CUL1: variants seen among roughly 807,000 people sequenced by gnomAD.
CUL1 encodes cullin 1.
In CUL1, 24 loss-of-function variants were observed where a neutral mutation model predicts 118.0. That is an observed-to-expected ratio of 0.20 (90% CI 0.15 to 0.29). CUL1 has a LOEUF of 0.29. Ranked by LOEUF, CUL1 falls within the 10% of genes least tolerant of loss-of-function variation. The pLI is 1.00. For missense variants in CUL1, 361 were observed against 933.8 expected (o/e 0.39, Z 7.99); for synonymous variants, 332 against 340.4 (o/e 0.98, Z 0.27).
In CUL1 at chr7:148,800,460, C is replaced by T; in HGVS notation, c.2251-42C>T. ...TGTTCTGATGATAATTTGTGTTTTT[C>T]TTCTCTTTCACTACCTCTTCCTTTT... is the stretch of plus-strand genomic sequence containing the variant. On this transcript the variant is annotated intron_variant, in intron 21 of 21. Transcript: ENST00000325222. This position sits in a 1 kb window ranked among gnomAD's most constrained non-coding sequence, Gnocchi z 4.6. The T allele has an allele frequency of 6.6e-7, 1 of 1,525,142 alleles. No homozygotes were observed. The highest frequency in any genetic ancestry group is 9.1e-7 in the Non-Finnish European group (1 of 1,100,416). 94.5% of individuals were successfully genotyped at this position (1,525,142 alleles called of 1,614,324 possible). A position where few individuals can be genotyped will look rare whatever the true frequency, so the allele number is the denominator to read the frequency against.
chr7:148,760,549 C>A, intron 7 of CUL1, 53 bp downstream of exon 7: 2 of 1,271,586 alleles, frequency 1.6e-6, no homozygotes, highest in Admixed American at 2.4e-5. Flanking sequence ...CATTGCTACT[C>A]AAGTGAGTTC....
At chr7:148,783,656 TCTTAA>T (rs761739710) in intron 9 of CUL1, 122 bp from the exon 10 acceptor site, 2 of 1,553,086 alleles carry the variant, frequency 1.3e-6, no homozygotes, top group Non-Finnish European at 8.7e-7. Context: ...TGCTCTTATC[TCTTAA>T]CTTTGAAAAG....
intron 17 of CUL1, among the ~76,000 whole-genome samples, chr7:148,796,024 C>CACTGTTGAATGGATGTGGT (rs57247452): frequency 0.084 from 12,747 of 151,980 alleles, 674 homozygotes; most frequent in African/African-American, 0.14. Flanking sequence ...GAATTTGTGG[C>CACTGTTGAATGGATGTGGT]AAGAACAAGC....
intron 21 of CUL1, among the ~76,000 whole-genome samples, 194 bp downstream of exon 21, chr7:148,799,582 A>C (rs904598081): frequency 2.6e-5 from 4 of 152,252 alleles, no homozygotes; most frequent in Admixed American, 6.5e-5. Flanking sequence ...ATGAAGTGCC[A>C]GCTTGATGAC....
intron 17 of CUL1, among the ~76,000 whole-genome samples, chr7:148,796,152 A>G (rs146548126): frequency 6.6e-6 from 1 of 152,320 alleles, no homozygotes; most frequent in African/African-American, 2.4e-5. Context: ...TTATCAGACT[A>G]AAGAGGTTCC....
At chr7:148,761,472 C>T (rs1162701634) in intron 7 of CUL1, among the ~76,000 whole-genome samples, 2 of 152,220 alleles carry the variant, frequency 1.3e-5, no homozygotes, top group African/African-American at 4.8e-5. Flanking sequence ...GATTGTGCCA[C>T]TGCCCTCCAG....
intron 2 of CUL1, among the ~76,000 whole-genome samples, chr7:148,732,917 C>A (rs1798810550): frequency 1.3e-5 from 2 of 152,100 alleles, no homozygotes; most frequent in South Asian, 4.1e-4. Context: ...TAAACCAAGT[C>A]TAAAATATCT....
At chr7:148,719,895 C>A (rs983263914) in intron 1 of CUL1, among the ~76,000 whole-genome samples, 10 of 152,168 alleles carry the variant, frequency 6.6e-5, no homozygotes, top group African/African-American at 2.2e-4. Context: ...TAGCACACTT[C>A]TTAAGGAGGT....
chr7:148,759,021 C>T (rs1799751165), intron 4 of CUL1, among the ~76,000 whole-genome samples: 1 of 152,174 alleles, frequency 6.6e-6, no homozygotes. Context: ...TCACAGACTC[C>T]TAAAAATCAT....
At chr7:148,736,948 T>G (rs555690466) in intron 2 of CUL1, among the ~76,000 whole-genome samples, 1 of 152,352 alleles carries the variant, frequency 6.6e-6, no homozygotes, top group African/African-American at 2.4e-5. Context: ...GGTGGTGGAC[T>G]TCTATATGAG....
At chr7:148,799,777 C>G (rs1036232657) in intron 21 of CUL1, among the ~76,000 whole-genome samples, 1 of 152,168 alleles carries the variant, frequency 6.6e-6, no homozygotes, top group South Asian at 2.1e-4. Flanking sequence ...AGAGCACACA[C>G]TCCCGTGCCT....
intron 9 of CUL1, among the ~76,000 whole-genome samples, chr7:148,779,110 A>T (rs901709805): frequency 1.3e-5 from 2 of 152,222 alleles, no homozygotes; most frequent in African/African-American, 4.8e-5. Context: ...GTAAGATAAA[A>T]AGTTATGTGA....
At chr7:148,743,059 G>C (rs1009141766) in intron 2 of CUL1, among the ~76,000 whole-genome samples, 1 of 152,288 alleles carries the variant, frequency 6.6e-6, no homozygotes, top group Non-Finnish European at 1.5e-5. Flanking sequence ...ATATTGTTTA[G>C]AAATATTGGA....
intron 9 of CUL1, among the ~76,000 whole-genome samples, chr7:148,772,716 T>C (rs375136965): frequency 6.6e-6 from 1 of 152,322 alleles, no homozygotes; most frequent in East Asian, 1.9e-4. Flanking sequence ...CATTTGAAAC[T>C]CACCTCTTCT....
At chr7:148,758,706 G>A in intron 4 of CUL1, among the ~76,000 whole-genome samples, 1 of 152,168 alleles carries the variant, frequency 6.6e-6, no homozygotes, top group East Asian at 1.9e-4. Flanking sequence ...AATTGTTATT[G>A]CTTCATAATG....
In CUL1 at chr7:148,711,696, G is replaced by C. The variant is rs180943334; in HGVS notation, c.-162+12667G>C. Reference sequence around the variant, plus strand: ...GTCGAAAGAAAAATAATAGAAAGGGGTGTCTTATTGATGAATAGATTCATG... The same window carrying C: ...GTCGAAAGAAAAATAATAGAAAGGGCTGTCTTATTGATGAATAGATTCATG... On this transcript the variant is annotated intron_variant, in intron 1 of 21. Transcript: ENST00000325222. Among the ~76,000 whole-genome samples, 8 of 152,176 alleles carry C rather than the reference G, an allele frequency of 5.3e-5. No individual in the cohort carries two copies. In the East Asian group the frequency reaches 9.6e-4, roughly 18 times the overall value.
rs1801354462 is a variant in CUL1 at position 148,800,587 on chromosome 7, T to C, written c.*5T>C. 6.2e-7 allele frequency: 1 copy of C among 1,602,692 alleles called. No individual in the cohort carries two copies. Among genetic ancestry groups the C allele is most frequent in the Non-Finnish European group, 8.5e-7 (1 of 1,169,840 alleles). On this transcript the variant is annotated 3_prime_UTR_variant, in exon 22 of 22. Transcript: ENST00000325222. This position sits in a 1 kb window ranked among gnomAD's most constrained non-coding sequence, Gnocchi z 4.6. ...ACCTACAGTTACTTGGCTTAACCCT[T>C]CTGGAAGGGTCTGACTGTGTGACCC...
Position 148,735,896 on chromosome 7 carries a change from GCCAGCCATGC to G in CUL1, c.140+5635_140+5644del, listed in dbSNP as rs1233471586. Among the ~76,000 whole-genome samples the G allele has an allele frequency of 2.0e-5, 3 of 151,948 alleles. No individual in the cohort carries two copies. In the East Asian group the frequency reaches 5.8e-4, roughly 29 times the overall value. ...TTATAACTGTTAAATGAAGAATTAG[GCCAGCCATGC>G]TCACGCCTTTAATTCCCGGAATTTG... On this transcript the variant is annotated intron_variant, in intron 2 of 21. Coordinates refer to ENST00000325222, the MANE Select transcript of CUL1 (RefSeq NM_003592.3).
intron 1 of CUL1, among the ~76,000 whole-genome samples, chr7:148,722,108 T>C (rs934535840): frequency 5.3e-5 from 8 of 152,180 alleles, no homozygotes; most frequent in African/African-American, 1.9e-4. Flanking sequence ...AAGGTGTAAT[T>C]GGTTAGATAG....
Sources: allele counts gnomAD v4.1 joint callset (sites outside exome capture counted in the v4.1 genomes callset), GRCh38; gene constraint gnomAD v4.1.1; non-coding constraint Gnocchi (gnomAD v3.1); transcripts MANE v1.5; gene names NCBI Gene and HGNC (gene_info 2026-07-23, HGNC 2026-07-21).